The following PRPSAP2 variants were observed in gnomAD, a reference collection of about 807,000 sequenced individuals.
PRPSAP2 encodes phosphoribosyl pyrophosphate synthase-associated protein 2.
PRPSAP2 carries 24 observed loss-of-function variants against 40.6 expected under a neutral mutation model. The ratio of observed to expected loss-of-function variants is 0.59; its 90% confidence interval spans 0.43 to 0.83. The LOEUF (loss-of-function observed/expected upper bound fraction) is 0.83, where lower values mean the gene tolerates loss of function less well. Among genes scored for constraint, PRPSAP2 ranks in the 40% least tolerant of loss-of-function variants. The pLI is 0.00. For missense variants in PRPSAP2, 292 were observed against 465.6 expected (o/e 0.63, Z 3.43); for synonymous variants, 149 against 164.7 (o/e 0.90, Z 0.73).
At chr17:18,899,677 T>G (rs1231470765) in intron 8 of PRPSAP2, among the ~76,000 whole-genome samples, 1 of 151,246 alleles carries the variant, frequency 6.6e-6, no homozygotes, top group Non-Finnish European at 1.5e-5. Context: ...TACAGGTGCA[T>G]GCCACCGTGT....
intron 9 of PRPSAP2, among the ~76,000 whole-genome samples, 176 bp from the exon 10 acceptor site, chr17:18,923,738 C>T (rs929097628): frequency 5.3e-5 from 8 of 152,204 alleles, no homozygotes; most frequent in South Asian, 2.1e-4. Flanking sequence ...TTTTGGCCTT[C>T]GGCCATAAAG....
At chr17:18,866,946 C>A (rs1466604696) in intron 3 of PRPSAP2, among the ~76,000 whole-genome samples, 2 of 151,900 alleles carry the variant, frequency 1.3e-5, no homozygotes, top group East Asian at 1.9e-4. Flanking sequence ...GCAGAACCCC[C>A]CCAAGCAGAG....
In PRPSAP2 at chr17:18,911,383, A is replaced by G; in HGVS notation, c.733+132A>G. 2.7e-6 allele frequency: 3 copies of G among 1,113,878 alleles called. No individual in the cohort carries two copies. The highest frequency in any genetic ancestry group is 2.5e-6 in the Non-Finnish European group (2 of 810,704). The allele number at this position is 1,113,878 out of a possible 1,614,324, so 69.0% of individuals were successfully genotyped here. ...AAACTCATTAACACCTTTCTTGGCC[A>G]GATAGTAGCGAATGCATTTCTGATT... On this transcript the variant is annotated intron_variant, in intron 9 of 11. Transcript: ENST00000268835. This position sits in a 1 kb window ranked among gnomAD's most constrained non-coding sequence, Gnocchi z 4.5.
intron 9 of PRPSAP2, chr17:18,917,574 TATTATTATTA>T (rs1164575624): frequency 1.2e-4 from 9 of 73,354 alleles, no homozygotes; most frequent in African/African-American, 5.6e-4. Context: ...TTATTATTAT[TATTATTATTA>T]TTTTTTTTTT....
intron 4 of PRPSAP2, among the ~76,000 whole-genome samples, chr17:18,869,507 T>C (rs1232615651): frequency 6.6e-6 from 1 of 150,848 alleles, no homozygotes; most frequent in East Asian, 1.9e-4. Flanking sequence ...CAGGCTATTT[T>C]TTTTTTTTTT....
intron 8 of PRPSAP2, among the ~76,000 whole-genome samples, chr17:18,890,172 ATTTC>A (rs2039452442): frequency 6.8e-6 from 1 of 148,074 alleles, no homozygotes; most frequent in Non-Finnish European, 1.5e-5. Flanking sequence ...ATTTTATTTT[ATTTC>A]TTTATTTTTT....
chr17:18,923,256 ATTTTTTTT>A (rs34975526), intron 9 of PRPSAP2, among the ~76,000 whole-genome samples: 33 of 105,398 alleles, frequency 3.1e-4, no homozygotes, highest in South Asian at 1.9e-3. Flanking sequence ...CACTTGGCTA[ATTTTTTTT>A]TTTTTTTTTT....
intron 5 of PRPSAP2, among the ~76,000 whole-genome samples, chr17:18,876,001 C>T (rs1397755785): frequency 2.0e-5 from 3 of 151,910 alleles, no homozygotes; most frequent in Non-Finnish European, 2.9e-5. Flanking sequence ...GGCATGGTGG[C>T]GCATGCCTGT....
intron 8 of PRPSAP2, among the ~76,000 whole-genome samples, chr17:18,895,260 A>AAT (rs1567712834): frequency 1.3e-5 from 2 of 151,226 alleles, no homozygotes; most frequent in East Asian, 1.9e-4. Flanking sequence ...TAATTAAAAA[A>AAT]ATATATATAT....
chr17:18,900,798 C>A (rs1435963221), intron 8 of PRPSAP2, among the ~76,000 whole-genome samples: 1 of 152,120 alleles, frequency 6.6e-6, no homozygotes, highest in East Asian at 1.9e-4. Context: ...GGAAAAGTAG[C>A]ATCATTCTCA....
intron 8 of PRPSAP2, among the ~76,000 whole-genome samples, chr17:18,902,164 T>A (rs930332495): frequency 6.6e-6 from 1 of 152,210 alleles, no homozygotes; most frequent in African/African-American, 2.4e-5. Flanking sequence ...CTGGGTGGAC[T>A]TTTAGTAACC....
intron 8 of PRPSAP2, chr17:18,908,266 G>A (rs1050158401): frequency 1.2e-5 from 9 of 765,578 alleles, no homozygotes; most frequent in Middle Eastern, 3.6e-4. Flanking sequence ...CCGAGCTGCC[G>A]CTTTCGCAGC....
intron 8 of PRPSAP2, among the ~76,000 whole-genome samples, chr17:18,893,953 G>A (rs572720420): frequency 2.0e-5 from 3 of 151,970 alleles, no homozygotes; most frequent in East Asian, 1.9e-4. Context: ...TGCCTCCCAG[G>A]CTCAAGCAAT....
intron 3 of PRPSAP2, 111 bp from the exon 4 acceptor site, chr17:18,867,171 G>T (rs886472342): frequency 5.2e-5 from 58 of 1,111,828 alleles, no homozygotes; most frequent in Non-Finnish European, 6.7e-5. Context: ...TTTATAAGAA[G>T]AATAACTTTA....
At chr17:18,865,049 G>A (rs1158355804) in intron 1 of PRPSAP2, 2 of 152,026 alleles carry the variant, frequency 1.3e-5, no homozygotes, top group African/African-American at 4.8e-5. Flanking sequence ...GTTTCACCAT[G>A]TTGGCCAGGG....
intron 1 of PRPSAP2, among the ~76,000 whole-genome samples, chr17:18,863,525 TCTC>T (rs927551634): frequency 7.2e-5 from 8 of 110,754 alleles, no homozygotes; most frequent in African/African-American, 2.4e-4. Context: ...TCTTTCTTCT[TCTC>T]TTTTCTTTTC....
chr17:18,871,653 C>CTTTTTTTTTTTTTT (rs142523345), intron 4 of PRPSAP2, among the ~76,000 whole-genome samples: 3 of 129,784 alleles, frequency 2.3e-5, no homozygotes, highest in Non-Finnish European at 3.3e-5. Flanking sequence ...ATATAATTTT[C>CTTTTTTTTTTTTTT]TTTTTTTTTT....
intron 3 of PRPSAP2, 135 bp from the exon 4 acceptor site, chr17:18,867,147 T>C: frequency 1.1e-6 from 1 of 910,538 alleles, no homozygotes; most frequent in South Asian, 1.8e-5. Flanking sequence ...AACAATTTAA[T>C]GTTGACTTTA....
At chr17:18,876,911 G>C (rs1028207059) in intron 5 of PRPSAP2, among the ~76,000 whole-genome samples, 1 of 152,174 alleles carries the variant, frequency 6.6e-6, no homozygotes, top group Non-Finnish European at 1.5e-5. Context: ...CCAGGCAGGA[G>C]GGGAGGGGCA....
Sources: gnomAD v4.1 joint callset for allele counts (sites outside exome capture counted in the v4.1 genomes callset) on GRCh38, gnomAD v4.1.1 for gene constraint, Gnocchi (gnomAD v3.1) non-coding constraint, MANE v1.5 for transcripts, NCBI Gene and HGNC (gene_info 2026-07-23, HGNC 2026-07-21) for gene names.